TECPR2: variants seen among roughly 807,000 people sequenced by gnomAD.
The protein encoded by TECPR2 is tectonin beta-propeller repeat containing 2, also known as tectonin beta-propeller repeat-containing protein 2.
In TECPR2, 65 loss-of-function variants were observed where a neutral mutation model predicts 138.1. The observed-to-expected ratio is 0.47, with a 90% CI of 0.39 to 0.58. The LOEUF is 0.58. Among genes scored for constraint, TECPR2 ranks in the 20% least tolerant of loss-of-function variants. The pLI, the probability that TECPR2 is intolerant of heterozygous loss-of-function variation, is 0.00. For synonymous variants in TECPR2, 746 were observed against 749.8 expected (o/e 0.99, Z 0.08); for missense variants, 1,553 against 1,824.5 (o/e 0.85, Z 2.71).
intron 10 of TECPR2, 29 bp downstream of exon 10, chr14:102,438,234 C>CGCCGCT (rs749918930): frequency 2.5e-6 from 4 of 1,581,750 alleles, no homozygotes; most frequent in Admixed American, 1.7e-5. Flanking sequence ...TGCTCCCGCT[C>CGCCGCT]CCTGCTCCCG....
At chr14:102,416,383 A>G (rs1412649366) in intron 5 of TECPR2, among the ~76,000 whole-genome samples, 1 of 152,180 alleles carries the variant, frequency 6.6e-6, no homozygotes, top group Non-Finnish European at 1.5e-5. Flanking sequence ...GGCCTCCCAA[A>G]GTGCTGGGAT....
At position 102,415,336 on chromosome 14, in the gene TECPR2, A is replaced by G. The variant is rs1466171306; in HGVS notation, c.638+543A>G. Reference sequence around the variant, plus strand: ...CAGGATGCTGTGTGAGTTTAGACACACTTTTGTCCAGGTGAAGGGTCAGGG... The same window carrying G: ...CAGGATGCTGTGTGAGTTTAGACACGCTTTTGTCCAGGTGAAGGGTCAGGG... On this transcript the variant is annotated intron_variant, in intron 5 of 19. Coordinates refer to ENST00000359520, the MANE Select transcript of TECPR2 (RefSeq NM_014844.5). This position sits in a 1 kb window ranked among gnomAD's most constrained non-coding sequence, Gnocchi z 4.3. 6.6e-6 allele frequency among the ~76,000 whole-genome samples: 1 copy of G among 152,144 alleles called. No individual in the cohort carries two copies. The highest frequency in any genetic ancestry group is 2.4e-5 in the African/African-American group (1 of 41,438).
In TECPR2 at chr14:102,472,831, G is replaced by T. The variant is rs569656099; in HGVS notation, c.3789+7542G>T. On this transcript the variant is annotated intron_variant, in intron 17 of 19. Transcript: ENST00000359520. Reference sequence around the variant, plus strand: ...CTGGTGTGTGCCAAGCCCAGGCAGGGACCCAGGCCCCCAGCTCCCAGGTGC... The same window carrying T: ...CTGGTGTGTGCCAAGCCCAGGCAGGTACCCAGGCCCCCAGCTCCCAGGTGC... 2.6e-5 allele frequency among the ~76,000 whole-genome samples: 4 copies of T among 152,326 alleles called. No homozygotes were observed. In the South Asian group the frequency reaches 8.3e-4, roughly 32 times the overall value.
intron 17 of TECPR2, chr14:102,465,512 C>T (rs897847022): frequency 5.7e-5 from 71 of 1,249,316 alleles, no homozygotes; most frequent in African/African-American, 1.2e-4. Flanking sequence ...TGAGTCAACA[C>T]GTATATTTTC....
In TECPR2 at chr14:102,434,851, C is replaced by G; in HGVS notation, c.2034C>G (p.Ser678Arg). 1.2e-6 allele frequency: 2 copies of G among 1,613,528 alleles called. No individual in the cohort carries two copies. Among genetic ancestry groups the G allele is most frequent in the Non-Finnish European group, 1.7e-6 (2 of 1,179,996 alleles). ...RADEGSPVEP[S>R]QEQDILTSME... is the part of the protein sequence containing the mutation. ...ATGAAGGCAGCCCCGTGGAGCCCAG[C>G]CAAGAGCAGGACATCCTAACCAGCA... Residue 678 changes from serine to arginine, a missense_variant, in exon 9 of 20, where the codon AGC becomes AGG. Coordinates refer to ENST00000359520, the MANE Select transcript of TECPR2 (RefSeq NM_014844.5).
intron 10 of TECPR2, 80 bp from the exon 11 acceptor site, chr14:102,440,356 C>A: frequency 6.5e-7 from 1 of 1,535,146 alleles, no homozygotes. Context: ...TTTCTCCCCT[C>A]AATGCCCAGC....
chr14:102,434,976 G>C lies in TECPR2; in HGVS notation c.2159G>C (p.Ser720Thr), dbSNP rs1595124099. 6.2e-7 allele frequency: 1 copy of C among 1,614,126 alleles called. No individual in the cohort carries two copies. Among genetic ancestry groups the C allele is most frequent in the Non-Finnish European group, 8.5e-7 (1 of 1,180,034 alleles). The change falls in exon 9 of 20, where the codon AGT becomes ACT. Residue 720 changes from serine (S) to threonine (T), a missense_variant. Coordinates refer to ENST00000359520, the MANE Select transcript of TECPR2 (RefSeq NM_014844.5). ...CCCATTTCTGAACGTGTCTTGGGGA[G>C]TGTGGGAGGACAGCTGACTCCGGTC... is the stretch of plus-strand genomic sequence containing the variant. ...EIPISERVLGSVGGQLTPVSA... is the reference protein window; with the variant it reads ...EIPISERVLGTVGGQLTPVSA...
At chr14:102,402,716 A>G (rs1360012602) in intron 2 of TECPR2, among the ~76,000 whole-genome samples, 1 of 152,196 alleles carries the variant, frequency 6.6e-6, no homozygotes, top group Non-Finnish European at 1.5e-5. Flanking sequence ...GACCCTTACT[A>G]TTGATTCAAC....
chr14:102,439,475 A>G (rs923105790), intron 10 of TECPR2, among the ~76,000 whole-genome samples: 1 of 152,068 alleles, frequency 6.6e-6, no homozygotes, highest in Admixed American at 6.6e-5. Context: ...AACCCACTCC[A>G]CAAGCTGTCA....
chr14:102,370,232 C>T (rs962498968), intron 1 of TECPR2, among the ~76,000 whole-genome samples: 3 of 151,982 alleles, frequency 2.0e-5, no homozygotes, highest in Non-Finnish European at 2.9e-5. Flanking sequence ...CCACCATGCC[C>T]AGCTAATTTT....
chr14:102,365,268 C>T (rs1337799865), intron 1 of TECPR2, among the ~76,000 whole-genome samples: 1 of 152,174 alleles, frequency 6.6e-6, no homozygotes, highest in East Asian at 1.9e-4. Flanking sequence ...GGAGAGAAAA[C>T]AGATAATGAT....
chr14:102,498,325 T>A lies in TECPR2; in HGVS notation c.*68T>A, dbSNP rs1379106138. 1 of 1,513,766 alleles carries A rather than the reference T, an allele frequency of 6.6e-7. No individual in the cohort carries two copies. Among genetic ancestry groups the A allele is most frequent in the Non-Finnish European group, 8.8e-7 (1 of 1,135,308 alleles). 93.8% of individuals were successfully genotyped at this position (1,513,766 alleles called of 1,614,324 possible). A position where few individuals can be genotyped will look rare whatever the true frequency, so the allele number is the denominator to read the frequency against. ...GCGGGCACAGGGGCTTCAGAGTGAC[T>A]CCCTGGTGGACGCGCTGCCTCAACA... On this transcript the variant is annotated 3_prime_UTR_variant, in exon 20 of 20. Transcript: ENST00000359520.
At chr14:102,461,928 C>T (rs904253392) in intron 16 of TECPR2, among the ~76,000 whole-genome samples, 2 of 152,174 alleles carry the variant, frequency 1.3e-5, no homozygotes, top group East Asian at 1.9e-4. Context: ...TTCATCCAGG[C>T]GGCCTGGGTG....
At chr14:102,390,513 C>A (rs767751182) in intron 2 of TECPR2, among the ~76,000 whole-genome samples, 1 of 151,682 alleles carries the variant, frequency 6.6e-6, no homozygotes, top group Non-Finnish European at 1.5e-5. Flanking sequence ...GTCCCTAGAT[C>A]AAAAAAAGAA....
intron 4 of TECPR2, among the ~76,000 whole-genome samples, chr14:102,410,027 A>G (rs928311617): frequency 1.4e-4 from 21 of 150,742 alleles, no homozygotes; most frequent in Non-Finnish European, 1.9e-4. Context: ...GATGGTTTCA[A>G]TCTCCTGACC....
chr14:102,453,687 A>AGCAGGACTGACTTAGGAACTTCCTGGCT (rs1890208440), intron 16 of TECPR2, among the ~76,000 whole-genome samples: 1 of 152,154 alleles, frequency 6.6e-6, no homozygotes, highest in Non-Finnish European at 1.5e-5. Flanking sequence ...CTGCACTTGC[A>AGCAGGACTGACTTAGGAACTTCCTGGCT]GCAGGACTGA....
Position 102,482,838 on chromosome 14 carries a change from CT to C in TECPR2, c.3790-14118del, listed in dbSNP as rs758301929. Among the ~76,000 whole-genome samples the C allele has an allele frequency of 7.8e-3, 757 of 96,550 alleles. 1 individual carries two copies. Among genetic ancestry groups the C allele is most frequent in the African/African-American group, 0.028 (693 of 24,874 alleles). The allele number at this position is 96,550 out of a possible 152,430, so 63.3% of individuals were successfully genotyped here. Reference sequence around the variant, plus strand: ...TGCTACTGAGAAGCCAGAAGCCTTTCTTTTTTTTTTTTTTTTTTTTTTTGAG... The same window carrying C: ...TGCTACTGAGAAGCCAGAAGCCTTTCTTTTTTTTTTTTTTTTTTTTTTGAG... On this transcript the variant is annotated intron_variant, in intron 17 of 19. Transcript: ENST00000359520.
chr14:102,376,260 C>G (rs1887636289), intron 1 of TECPR2, among the ~76,000 whole-genome samples: 1 of 152,198 alleles, frequency 6.6e-6, no homozygotes, highest in Admixed American at 6.5e-5. Flanking sequence ...CATGTCTACA[C>G]TCACTCTAAT....
At position 102,497,052 on chromosome 14, in the gene TECPR2, G is replaced by C; in HGVS notation, c.3863G>C (p.Trp1288Ser). ...ATGCTGTGGGTGCTTGACAGCAGGTGGAACGTGCACGTGCGGACCGGGATC... is the reference window on the plus strand; with the variant it reads ...ATGCTGTGGGTGCTTGACAGCAGGTCGAACGTGCACGTGCGGACCGGGATC... ...DQMLWVLDSR[W>S]NVHVRTGITE... Residue 1288 changes from tryptophan to serine, a missense_variant, in exon 18 of 20, where the codon TGG becomes TCG. Transcript: ENST00000359520. The C allele has an allele frequency of 6.2e-7, 1 of 1,613,926 alleles. No individual in the cohort carries two copies. Among genetic ancestry groups the C allele is most frequent in the East Asian group, 2.2e-5 (1 of 44,882 alleles).
Sources: gnomAD v4.1 joint callset for allele counts (sites outside exome capture counted in the v4.1 genomes callset) on GRCh38, gnomAD v4.1.1 for gene constraint, Gnocchi (gnomAD v3.1) non-coding constraint, MANE v1.5 for transcripts, NCBI Gene and HGNC (gene_info 2026-07-23, HGNC 2026-07-21) for gene names.